ASTN2: variants seen among roughly 807,000 people sequenced by gnomAD.
The protein encoded by ASTN2 is astrotactin-2.
In ASTN2, 54 loss-of-function variants were observed where a neutral mutation model predicts 139.8. That is an observed-to-expected ratio of 0.39 (90% CI 0.31 to 0.48). ASTN2 has a LOEUF of 0.48. Among genes scored for constraint, ASTN2 ranks in the 20% least tolerant of loss-of-function variants. The probability of loss-of-function intolerance (pLI) is 0.95; values close to 1 mark genes in which losing one functional copy is unlikely to be tolerated. For missense variants in ASTN2, 1,565 were observed against 1,725.1 expected (o/e 0.91, Z 1.64); for synonymous variants, 756 against 719.5 (o/e 1.05, Z -0.81).
chr9:116,687,124 A>C (rs1365718982), intron 16 of ASTN2: 1 of 1,113,116 alleles, frequency 9.0e-7, no homozygotes, highest in African/African-American at 1.6e-5. Flanking sequence ...ATCTGCACCA[A>C]GGAGACGGAA....
chr9:117,303,885 T>C (rs535085370), intron 1 of ASTN2, among the ~76,000 whole-genome samples: 13 of 152,320 alleles, frequency 8.5e-5, no homozygotes, highest in African/African-American at 2.9e-4. Context: ...ACTCAGAGAT[T>C]TGAAAAGCGT....
At chr9:117,093,959 T>C (rs928376870) in intron 5 of ASTN2, among the ~76,000 whole-genome samples, 2 of 152,312 alleles carry the variant, frequency 1.3e-5, no homozygotes, top group East Asian at 1.9e-4. Context: ...CACCATCTAA[T>C]AGATTTGTAT....
At chr9:116,568,943 T>C (rs961797657) in intron 19 of ASTN2, 2 of 152,136 alleles carry the variant, frequency 1.3e-5, no homozygotes, top group Non-Finnish European at 2.9e-5. Context: ...GGCCTTTTTT[T>C]ACTCTGACAC....
At chr9:116,534,923 T>C (rs1345001104) in intron 19 of ASTN2, among the ~76,000 whole-genome samples, 1 of 152,242 alleles carries the variant, frequency 6.6e-6, no homozygotes, top group Non-Finnish European at 1.5e-5. Flanking sequence ...CCTTGTTAAC[T>C]TTCTGTCTCA....
chr9:117,216,809 G>A (rs1832337205), intron 2 of ASTN2, among the ~76,000 whole-genome samples: 2 of 152,042 alleles, frequency 1.3e-5, no homozygotes, highest in Non-Finnish European at 2.9e-5. Context: ...GTGAAGAGAG[G>A]AAAGGGCTGG....
At chr9:117,159,411 G>T (rs1006310040) in intron 3 of ASTN2, among the ~76,000 whole-genome samples, 1 of 152,066 alleles carries the variant, frequency 6.6e-6, no homozygotes, top group Non-Finnish European at 1.5e-5. Context: ...TACTGAGGAA[G>T]GCGGATGAAG....
chr9:116,884,090 A>T (rs1379380599), intron 10 of ASTN2, among the ~76,000 whole-genome samples: 5 of 152,178 alleles, frequency 3.3e-5, no homozygotes, highest in African/African-American at 1.2e-4. Flanking sequence ...GTAAAGATGA[A>T]GATCAAGCGG....
intron 19 of ASTN2, among the ~76,000 whole-genome samples, chr9:116,613,906 T>A (rs1855692146): frequency 6.6e-6 from 1 of 152,058 alleles, no homozygotes; most frequent in African/African-American, 2.4e-5. Context: ...AAATAAAGGG[T>A]ATTCAATTAG....
At chr9:117,355,992 A>G (rs1187682129) in intron 1 of ASTN2, among the ~76,000 whole-genome samples, 2 of 152,200 alleles carry the variant, frequency 1.3e-5, no homozygotes, top group Non-Finnish European at 2.9e-5. Flanking sequence ...AATATTCCTT[A>G]CAATTGCAGA....
chr9:116,682,892 G>T (rs539429522), intron 16 of ASTN2, among the ~76,000 whole-genome samples: 1 of 152,020 alleles, frequency 6.6e-6, no homozygotes, highest in Non-Finnish European at 1.5e-5. Context: ...GGAGGGAGAG[G>T]GGAGGGATAG....
chr9:116,577,531 CA>C (rs766364208), intron 19 of ASTN2, among the ~76,000 whole-genome samples: 9 of 114,874 alleles, frequency 7.8e-5, no homozygotes, highest in East Asian at 2.2e-4. Context: ...AACTGTGTCT[CA>C]AAAAAAAAAG....
At chr9:117,180,757 A>T in intron 3 of ASTN2, 1 of 1,572,946 alleles carries the variant, frequency 6.4e-7, no homozygotes, top group South Asian at 1.1e-5. Context: ...GATGTACTTG[A>T]CCCCACAGCC....
At chr9:117,299,039 T>C (rs1834810566) in intron 1 of ASTN2, among the ~76,000 whole-genome samples, 1 of 152,086 alleles carries the variant, frequency 6.6e-6, no homozygotes, top group Non-Finnish European at 1.5e-5. Context: ...GAAATGTTAA[T>C]TTTCAAGGAG....
intron 5 of ASTN2, among the ~76,000 whole-genome samples, chr9:117,087,115 T>C (rs73527180): frequency 0.021 from 3,184 of 152,332 alleles, 125 homozygotes; most frequent in African/African-American, 0.073. Flanking sequence ...GATGGTGACG[T>C]GAAAAGCTGC....
chr9:116,776,453 T>C (rs1371377427), intron 13 of ASTN2, among the ~76,000 whole-genome samples: 1 of 152,220 alleles, frequency 6.6e-6, no homozygotes, highest in Non-Finnish European at 1.5e-5. Context: ...ACAAAACACC[T>C]GAGCAGAGAA....
At chr9:116,426,703 A>C (rs1242527383) in intron 22 of ASTN2, among the ~76,000 whole-genome samples, 1 of 152,052 alleles carries the variant, frequency 6.6e-6, no homozygotes, top group Non-Finnish European at 1.5e-5. Flanking sequence ...CTTTTCTCTC[A>C]GTCTGGAAAC....
intron 5 of ASTN2, among the ~76,000 whole-genome samples, chr9:117,077,663 G>A (rs1215704935): frequency 2.0e-5 from 3 of 152,092 alleles, no homozygotes; most frequent in African/African-American, 4.8e-5. Context: ...CAAGAGAATC[G>A]CTTGAACCTG....
At chr9:116,868,064 G>A (rs1588368523) in intron 10 of ASTN2, among the ~76,000 whole-genome samples, 2 of 152,286 alleles carry the variant, frequency 1.3e-5, no homozygotes, top group Admixed American at 1.3e-4. Context: ...GCGGAGGCAG[G>A]CTGGACTGAG....
intron 6 of ASTN2, among the ~76,000 whole-genome samples, chr9:117,022,457 AAAAAAC>A (rs1311036222): frequency 7.3e-5 from 1 of 13,728 alleles, no homozygotes; most frequent in Non-Finnish European, 5.1e-4. Flanking sequence ...AAAAAAAACA[AAAAAAC>A]AAAAAACAAA....
Sources: allele counts gnomAD v4.1 joint callset (sites outside exome capture counted in the v4.1 genomes callset), GRCh38; gene constraint gnomAD v4.1.1; transcripts MANE v1.5; gene names NCBI Gene and HGNC (gene_info 2026-07-23, HGNC 2026-07-21).